The following EZH2 variants were observed in gnomAD, a reference collection of about 807,000 sequenced individuals.
EZH2 encodes histone-lysine N-methyltransferase EZH2.
Under a neutral mutation model 98.4 loss-of-function variants are expected in EZH2, and 18 were observed. The ratio of observed to expected loss-of-function variants is 0.18; its 90% CI spans 0.13 to 0.27. EZH2 has a LOEUF of 0.27. EZH2 is among the 10% of genes least tolerant of loss of function. EZH2 has a pLI of 1.00. For missense variants in EZH2, 470 were observed against 935.1 expected, an observed-to-expected ratio of 0.50 and a Z score of 6.49; for synonymous variants, 338 against 312.3, an observed-to-expected ratio of 1.08 and a Z score of -0.87.
chr7:148,874,304 T>C (rs1461510534), intron 1 of EZH2, among the ~76,000 whole-genome samples: 1 of 152,072 alleles, frequency 6.6e-6, no homozygotes, highest in African/African-American at 2.4e-5. Context: ...GGGAGGATTG[T>C]TTCAGCCCAG....
At chr7:148,831,209 G>A (rs533360274) in intron 4 of EZH2, among the ~76,000 whole-genome samples, 5 of 152,136 alleles carry the variant, frequency 3.3e-5, no homozygotes, top group Non-Finnish European at 5.9e-5. Context: ...AACAAGTACC[G>A]TAGACAGACA....
At chr7:148,846,294 G>T (rs1489658165) in intron 3 of EZH2, among the ~76,000 whole-genome samples, 176 bp downstream of exon 3, 1 of 151,894 alleles carries the variant, frequency 6.6e-6, no homozygotes, top group Non-Finnish European at 1.5e-5. Flanking sequence ...CTCTGTTATA[G>T]GAATAGCTAA....
At chr7:148,829,941 CT>C in intron 4 of EZH2, 93 bp from the exon 5 acceptor site, 1 of 884,700 alleles carries the variant, frequency 1.1e-6, no homozygotes. Flanking sequence ...GTGTACATGT[CT>C]TTACCCAGTT....
chr7:148,845,972 C>G (rs1343768944), intron 3 of EZH2, among the ~76,000 whole-genome samples: 1 of 152,166 alleles, frequency 6.6e-6, no homozygotes, highest in East Asian at 1.9e-4. Flanking sequence ...TAAGAGCTAG[C>G]TCGTTCAGAA....
chr7:148,834,543 A>G (rs1810369993), intron 3 of EZH2, among the ~76,000 whole-genome samples: 1 of 152,234 alleles, frequency 6.6e-6, no homozygotes. Flanking sequence ...CAGTCACTGC[A>G]GCACAAAAAT....
intron 15 of EZH2, among the ~76,000 whole-genome samples, chr7:148,813,297 G>T (rs896245303): frequency 1.4e-5 from 2 of 145,466 alleles, no homozygotes; most frequent in African/African-American, 2.6e-5. Context: ...ATTATAAAAA[G>T]AACTGACTGA....
chr7:148,818,024 T>C lies in EZH2; in HGVS notation c.1093A>G (p.Asn365Asp). ...GGGGTGCTGGGCCTGCTACTGTTAT[T>C]GGGAAGCCGTCCTCTTCTGCGGCCT... ...PGGRRRGRLP[N>D]NSSRPSTPTI... Residue 365 changes from asparagine (N) to aspartate (D), a missense_variant, in exon 10 of 20, where the codon AAT becomes GAT. Coordinates refer to ENST00000320356, the MANE Select transcript of EZH2 (RefSeq NM_004456.5). 6.2e-7 allele frequency: 1 copy of C among 1,614,188 alleles called. No homozygotes were observed. Among genetic ancestry groups the C allele is most frequent in the Non-Finnish European group, 8.5e-7 (1 of 1,180,028 alleles).
intron 1 of EZH2, among the ~76,000 whole-genome samples, chr7:148,863,286 CAT>C (rs1246283221): frequency 6.6e-6 from 1 of 151,710 alleles, no homozygotes; most frequent in East Asian, 1.9e-4. Flanking sequence ...TATAATGAAA[CAT>C]AGAAATCACC....
chr7:148,864,788 A>G (rs2129489307), intron 1 of EZH2, among the ~76,000 whole-genome samples: 1 of 152,258 alleles, frequency 6.6e-6, no homozygotes, highest in East Asian at 1.9e-4. Context: ...CATCGAGTAT[A>G]TACTCAGTTT....
At chr7:148,839,826 C>T (rs540016962) in intron 3 of EZH2, among the ~76,000 whole-genome samples, 3 of 152,216 alleles carry the variant, frequency 2.0e-5, no homozygotes, top group Admixed American at 6.5e-5. Flanking sequence ...GGATTACAGG[C>T]GTGAGCCACT....
At chr7:148,836,079 C>T (rs1484144989) in intron 3 of EZH2, among the ~76,000 whole-genome samples, 1 of 152,162 alleles carries the variant, frequency 6.6e-6, no homozygotes, top group Non-Finnish European at 1.5e-5. Context: ...AAGAAATAAG[C>T]TCTCTGAGGG....
chr7:148,837,937 AG>A (rs1179008970), intron 3 of EZH2, among the ~76,000 whole-genome samples: 3 of 152,222 alleles, frequency 2.0e-5, no homozygotes, highest in Non-Finnish European at 4.4e-5. Context: ...CTACAACACA[AG>A]GGTATTTGCT....
chr7:148,811,846 G>T, intron 15 of EZH2, 126 bp from the exon 16 acceptor site: 1 of 733,044 alleles, frequency 1.4e-6, no homozygotes, highest in South Asian at 1.8e-5. Flanking sequence ...TTCTAAGGCA[G>T]TAATTGGGCA....
At chr7:148,823,208 T>A (rs1204860009) in intron 8 of EZH2, among the ~76,000 whole-genome samples, 24 of 152,228 alleles carry the variant, frequency 1.6e-4, no homozygotes, top group Admixed American at 1.6e-3. Flanking sequence ...AAGTGCTGCA[T>A]CCCCATATGG....
chr7:148,883,557 G>C (rs1821335667), intron 1 of EZH2: 1 of 149,982 alleles, frequency 6.7e-6, no homozygotes, highest in Non-Finnish European at 1.5e-5. Context: ...CCGGGACCGG[G>C]GGCGTGCGCG....
intron 1 of EZH2, among the ~76,000 whole-genome samples, chr7:148,855,385 T>C (rs527872872): frequency 2.6e-5 from 4 of 152,182 alleles, no homozygotes; most frequent in Admixed American, 2.6e-4. Context: ...AAGCAAGAGT[T>C]TGGACTCCAA....
chr7:148,828,903 A>G (rs1563244701), intron 5 of EZH2, 23 bp from the exon 6 acceptor site: 2 of 1,584,638 alleles, frequency 1.3e-6, no homozygotes, highest in South Asian at 1.1e-5. Flanking sequence ...AAATGTCAGA[A>G]ACACACAGGA....
At chr7:148,823,932 C>A (rs1446341837) in intron 8 of EZH2, among the ~76,000 whole-genome samples, 3 of 152,186 alleles carry the variant, frequency 2.0e-5, no homozygotes, top group African/African-American at 4.8e-5. Context: ...CACATTAATT[C>A]ATCTAATCCT....
At chr7:148,868,571 G>A (rs4726996) in intron 1 of EZH2, among the ~76,000 whole-genome samples, 122,957 of 152,124 alleles carry the variant, frequency 0.81, 50,415 homozygotes, top group African/African-American at 0.95. Context: ...ACAATTTGAC[G>A]CGTGATTTGG....
Sources: gnomAD v4.1 joint callset for allele counts (sites outside exome capture counted in the v4.1 genomes callset) on GRCh38, gnomAD v4.1.1 for gene constraint, MANE v1.5 for transcripts, NCBI Gene and HGNC (gene_info 2026-07-23, HGNC 2026-07-21) for gene names.